RYR3: variants seen among roughly 807,000 people sequenced by gnomAD.
RYR3 encodes ryanodine receptor 3, also known as brain ryanodine receptor-calcium release channel.
RYR3 carries 207 observed loss-of-function variants against 584.3 expected under a neutral mutation model. That is an observed-to-expected ratio of 0.35 (90% confidence interval 0.32 to 0.40). The LOEUF (loss-of-function observed/expected upper bound fraction) is 0.40. RYR3 is among the 10% of genes least tolerant of loss of function. The probability of loss-of-function intolerance (pLI) is 1.00; values close to 1 mark genes in which losing one functional copy is unlikely to be tolerated. For synonymous variants in RYR3, 2,416 were observed against 2,248.5 expected, an observed-to-expected ratio of 1.07 and a Z score of -2.11; for missense variants, 5,616 against 6,089.2, an observed-to-expected ratio of 0.92 and a Z score of 2.59.
chr15:33,631,004 C>G (rs1051227829), intron 22 of RYR3, among the ~76,000 whole-genome samples: 2 of 152,178 alleles, frequency 1.3e-5, no homozygotes, highest in Non-Finnish European at 2.9e-5. Context: ...TGGCTTTGCT[C>G]TGTAATCACA....
At chr15:33,624,358 G>A (rs1389259950) in intron 20 of RYR3, among the ~76,000 whole-genome samples, 1 of 152,164 alleles carries the variant, frequency 6.6e-6, no homozygotes, top group Non-Finnish European at 1.5e-5. Flanking sequence ...AATGCAAAAT[G>A]GACAGTATGC....
chr15:33,641,480 T>C (rs1170347708), intron 27 of RYR3, among the ~76,000 whole-genome samples: 8 of 152,252 alleles, frequency 5.3e-5, no homozygotes, highest in African/African-American at 1.9e-4. Flanking sequence ...AGTTACAAGA[T>C]TTTTAAATGC....
intron 18 of RYR3, among the ~76,000 whole-genome samples, chr15:33,610,082 T>A (rs2060103947): frequency 6.6e-6 from 1 of 152,212 alleles, no homozygotes. Flanking sequence ...ATTGAGTACA[T>A]TATGTGTAGC....
intron 1 of RYR3, among the ~76,000 whole-genome samples, chr15:33,454,641 A>C (rs1242271339): frequency 6.6e-6 from 1 of 152,298 alleles, no homozygotes; most frequent in African/African-American, 2.4e-5. Flanking sequence ...AGGGAGCACT[A>C]TGGATGCACA....
intron 1 of RYR3, among the ~76,000 whole-genome samples, chr15:33,409,848 A>G (rs1033603792): frequency 1.3e-5 from 2 of 152,160 alleles, no homozygotes; most frequent in Non-Finnish European, 2.9e-5. Flanking sequence ...AAGGTTGTCT[A>G]AGGAGTCAGG....
chr15:33,438,927 G>A (rs1337794285), intron 1 of RYR3, among the ~76,000 whole-genome samples: 2 of 152,112 alleles, frequency 1.3e-5, no homozygotes, highest in African/African-American at 2.4e-5. Flanking sequence ...ACATTAGGAT[G>A]TTTTTCTGTG....
chr15:33,743,522 A>AG (rs1294336419), intron 52 of RYR3, among the ~76,000 whole-genome samples: 2 of 152,182 alleles, frequency 1.3e-5, no homozygotes, highest in African/African-American at 2.4e-5. Flanking sequence ...GATTTGGCTT[A>AG]GGGGGCATAG....
chr15:33,662,082 C>A, intron 34 of RYR3, 71 bp from the exon 35 acceptor site: 1 of 1,326,648 alleles, frequency 7.5e-7, no homozygotes. Context: ...CTTTGTTGGG[C>A]TGGATGAAAT....
chr15:33,710,675 A>G (rs1045282678), intron 43 of RYR3, among the ~76,000 whole-genome samples: 7 of 152,238 alleles, frequency 4.6e-5, no homozygotes, highest in African/African-American at 1.7e-4. Flanking sequence ...AGGCTTTTCC[A>G]TACATCCTCT....
chr15:33,823,516 C>T (rs1374036808), intron 81 of RYR3, among the ~76,000 whole-genome samples: 1 of 152,148 alleles, frequency 6.6e-6, no homozygotes, highest in Non-Finnish European at 1.5e-5. Context: ...CTTAACAATT[C>T]TTTGAGCTTG....
chr15:33,805,269 G>A (rs556954167), intron 69 of RYR3, among the ~76,000 whole-genome samples: 33 of 152,236 alleles, frequency 2.2e-4, no homozygotes, highest in Admixed American at 2.2e-3. Flanking sequence ...AAAAAGTGTC[G>A]TGATGCAGGA....
intron 103 of RYR3, chr15:33,864,914 G>T: frequency 4.0e-6 from 2 of 505,062 alleles, no homozygotes; most frequent in Non-Finnish European, 7.0e-6. Context: ...GGCAGAGGGG[G>T]ATTTTTCTCC....
intron 10 of RYR3, among the ~76,000 whole-genome samples, chr15:33,556,048 G>T (rs1337490600): frequency 6.6e-6 from 1 of 152,130 alleles, no homozygotes; most frequent in African/African-American, 2.4e-5. Flanking sequence ...GGAAATAGTG[G>T]GCTAACCAGG....
chr15:33,439,394 G>A (rs2046022494), intron 1 of RYR3, among the ~76,000 whole-genome samples: 1 of 152,152 alleles, frequency 6.6e-6, no homozygotes, highest in Non-Finnish European at 1.5e-5. Flanking sequence ...ACTTGAGCAA[G>A]TTCCTGTAAA....
In RYR3 at chr15:33,850,617, G is replaced by T. The variant is rs2079037239; in HGVS notation, c.13628+2196G>T. 4 of 151,366 alleles carry T rather than the reference G, an allele frequency of 2.6e-5. No homozygotes were observed. In the South Asian group the frequency reaches 8.3e-4, roughly 31 times the overall value. 9.4% of individuals were successfully genotyped at this position (151,366 alleles called of 1,614,324 possible). A position where few individuals can be genotyped will look rare whatever the true frequency, so the allele number is the denominator to read the frequency against. On this transcript the variant is annotated intron_variant, in intron 94 of 103. Transcript: ENST00000634891. Reference sequence around the variant, plus strand: ...AGTACATGTTCATGTTTTGTAACGTGCTTTTTTTCAGTTAACTGTATGTCA... The same window carrying T: ...AGTACATGTTCATGTTTTGTAACGTTCTTTTTTTCAGTTAACTGTATGTCA...
intron 100 of RYR3, 81 bp from the exon 101 acceptor site, chr15:33,860,514 A>G: frequency 1.2e-6 from 1 of 809,334 alleles, no homozygotes; most frequent in South Asian, 2.4e-5. Flanking sequence ...TTTTAACAGA[A>G]CAAAGTAGCT....
At chr15:33,777,663 A>G (rs1402084974) in intron 64 of RYR3, among the ~76,000 whole-genome samples, 2 of 152,164 alleles carry the variant, frequency 1.3e-5, no homozygotes, top group East Asian at 3.9e-4. Context: ...CCCTGAGTCA[A>G]CACAGCACCA....
At chr15:33,321,895 C>T (rs2140534817) in intron 1 of RYR3, among the ~76,000 whole-genome samples, 1 of 152,168 alleles carries the variant, frequency 6.6e-6, no homozygotes, top group African/African-American at 2.4e-5. Context: ...GCCTCAGTTT[C>T]CTAATCTATA....
intron 1 of RYR3, among the ~76,000 whole-genome samples, chr15:33,392,539 C>T (rs967428595): frequency 6.6e-6 from 1 of 151,940 alleles, no homozygotes; most frequent in African/African-American, 2.4e-5. Flanking sequence ...CAGAGTTGTT[C>T]TAACTGAGGG....
Sources: allele counts gnomAD v4.1 joint callset (sites outside exome capture counted in the v4.1 genomes callset), GRCh38; gene constraint gnomAD v4.1.1; transcripts MANE v1.5; gene names NCBI Gene and HGNC (gene_info 2026-07-23, HGNC 2026-07-21).